Variants in WDR19 observed in about 807,000 individuals in gnomAD.
WDR19 encodes the protein WD repeat-containing protein 19.
A neutral mutation model predicts 180.0 loss-of-function variants in WDR19; 121 were observed. The observed-to-expected ratio is 0.67, with a 90% confidence interval of 0.58 to 0.78. The LOEUF (loss-of-function observed/expected upper bound fraction) is 0.78. WDR19 is among the 30% of genes least tolerant of loss of function. WDR19 has a pLI of 0.00. For synonymous variants in WDR19, 497 were observed against 540.7 expected (o/e 0.92, Z 1.12); for missense variants, 1,450 against 1,640.7 (o/e 0.88, Z 2.01).
intron 5 of WDR19, among the ~76,000 whole-genome samples, chr4:39,196,871 A>G (rs1055849864): frequency 6.6e-6 from 1 of 152,164 alleles, no homozygotes; most frequent in Admixed American, 6.5e-5. Context: ...CCTCTAACAC[A>G]CTAGGCAAAC....
intron 20 of WDR19, chr4:39,238,033 C>G (rs1229140635): frequency 6.6e-6 from 1 of 152,262 alleles, no homozygotes; most frequent in East Asian, 1.9e-4. Context: ...CTGCTCATCA[C>G]TTGACCATGA....
intron 24 of WDR19, among the ~76,000 whole-genome samples, chr4:39,251,916 TA>T (rs1733238499): frequency 1.3e-5 from 2 of 152,194 alleles, no homozygotes; most frequent in Non-Finnish European, 2.9e-5. Context: ...GGTGGGACTG[TA>T]AACTAGTTCA....
intron 14 of WDR19, among the ~76,000 whole-genome samples, chr4:39,221,723 A>G (rs926362876): frequency 1.3e-5 from 2 of 152,130 alleles, no homozygotes; most frequent in South Asian, 2.1e-4. Flanking sequence ...TGTAAATGTA[A>G]TAAATGTTTG....
intron 4 of WDR19, among the ~76,000 whole-genome samples, chr4:39,190,169 G>A (rs551903135): frequency 1.9e-4 from 29 of 152,200 alleles, no homozygotes; most frequent in African/African-American, 6.5e-4. Flanking sequence ...TCTCACCCAC[G>A]ACTACTGGTA....
chr4:39,217,287 C>A (rs13119256), intron 13 of WDR19, 47 bp downstream of exon 13: 1 of 1,383,510 alleles, frequency 7.2e-7, no homozygotes, highest in Admixed American at 2.0e-5. Flanking sequence ...TTATAATGAA[C>A]AGCCTAATGT....
intron 14 of WDR19, among the ~76,000 whole-genome samples, chr4:39,222,767 G>T (rs975652062): frequency 2.0e-5 from 3 of 152,146 alleles, no homozygotes; most frequent in African/African-American, 7.2e-5. Flanking sequence ...AAGAAACAAC[G>T]CAGAGAGAAG....
At chr4:39,192,772 T>G (rs1329761713) in intron 4 of WDR19, among the ~76,000 whole-genome samples, 1 of 152,226 alleles carries the variant, frequency 6.6e-6, no homozygotes, top group Non-Finnish European at 1.5e-5. Flanking sequence ...CATTAAATTG[T>G]AGCACAGTTC....
At chr4:39,277,267 AT>A in intron 34 of WDR19, 124 bp downstream of exon 34, 2 of 1,094,608 alleles carry the variant, frequency 1.8e-6, no homozygotes, top group Non-Finnish European at 2.5e-6. Context: ...TTCCTGCAAC[AT>A]CTAGCATTTT....
At position 39,216,006 on chromosome 4, in the gene WDR19, T is replaced by C. The variant is rs773816730; in HGVS notation, c.1127T>C (p.Val376Ala). ...CTTGAAGTCACCGTAGCCAACCCTGTTGAAGGAGTATGAAAATGGTGTTAT... is the reference window on the plus strand; with the variant it reads ...CTTGAAGTCACCGTAGCCAACCCTGCTGAAGGAGTATGAAAATGGTGTTAT... The part of the protein sequence containing the change: ...SLLEVTVANP[V>A]EGELPITVSV... Residue 376 changes from valine to alanine, a missense_variant, in exon 11 of 37, where the codon GTT becomes GCT. By Grantham distance (64) the Val-to-Ala change is moderately conservative (BLOSUM62 0). Transcript: ENST00000399820. 24 of 1,595,690 alleles carry C rather than the reference T, an allele frequency of 1.5e-5. No individual in the cohort carries two copies. In the Admixed American group the frequency reaches 4.1e-4, roughly 27 times the overall value.
At chr4:39,230,328 A>T (rs1730708324) in intron 17 of WDR19, among the ~76,000 whole-genome samples, 1 of 152,112 alleles carries the variant, frequency 6.6e-6, no homozygotes, top group African/African-American at 2.4e-5. Flanking sequence ...CGATAAGTGG[A>T]GCCATCTCCT....
chr4:39,224,919 G>A lies in WDR19; in HGVS notation c.1515G>A (p.Trp505Ter), dbSNP rs1245370069. 7.0e-6 allele frequency: 11 copies of A among 1,569,156 alleles called. No individual in the cohort carries two copies. The highest frequency in any genetic ancestry group is 9.5e-6 in the Non-Finnish European group (11 of 1,156,342). The part of the protein sequence containing the change: ...GVVQYFYIED[W>*]QFVNDYRHPV... Reference sequence around the variant, plus strand: ...TTCAGTATTTCTACATTGAAGACTGGCAATTCGTTAATGATTATCGACATC... The same window carrying A: ...TTCAGTATTTCTACATTGAAGACTGACAATTCGTTAATGATTATCGACATC... The change falls in exon 15 of 37, where the codon TGG becomes TGA. Residue 505 changes from tryptophan (W) to a stop codon, truncating the protein, a stop_gained. Transcript: ENST00000399820. LOFTEE classifies it high-confidence loss of function.
chr4:39,224,083 C>T (rs535225562), intron 14 of WDR19, among the ~76,000 whole-genome samples: 1 of 152,228 alleles, frequency 6.6e-6, no homozygotes, highest in Admixed American at 6.5e-5. Context: ...ACCCAAGTAT[C>T]TCATTTTTTG....
Position 39,244,251 on chromosome 4 carries a change from C to T in WDR19, c.2425C>T (p.His809Tyr), listed in dbSNP as rs780300357. The T allele has an allele frequency of 7.5e-6, 12 of 1,609,994 alleles. No individual in the cohort carries two copies. The South Asian group carries it at 1.1e-4, about 15-fold the overall frequency. The change falls in exon 22 of 37, where the codon CAT becomes TAT. Residue 809 changes from histidine (H) to tyrosine (Y), a missense_variant. Transcript: ENST00000399820. ...AGTGTTTGCCTTGTGATTGCAGGAACATGATGAAGCTTGTCTGGCTGGAGT... is the reference window on the plus strand; with the variant it reads ...AGTGTTTGCCTTGTGATTGCAGGAATATGATGAAGCTTGTCTGGCTGGAGT... ...EKGITGDNKE[H>Y]DEACLAGVAQ...
chr4:39,255,384 C>T (rs767940468), intron 26 of WDR19, among the ~76,000 whole-genome samples: 20 of 152,148 alleles, frequency 1.3e-4, no homozygotes, highest in Non-Finnish European at 2.6e-4. Flanking sequence ...CCAACTCCCA[C>T]GGGTAAATGT....
At chr4:39,254,565 A>T (rs2109442115) in intron 26 of WDR19, among the ~76,000 whole-genome samples, 1 of 152,050 alleles carries the variant, frequency 6.6e-6, no homozygotes, top group South Asian at 2.1e-4. Flanking sequence ...TACTGAAATA[A>T]TTTTCAGATT....
chr4:39,247,175 G>C (rs1732618993), intron 24 of WDR19, among the ~76,000 whole-genome samples: 1 of 152,194 alleles, frequency 6.6e-6, no homozygotes, highest in Non-Finnish European at 1.5e-5. Context: ...GGAACAATCA[G>C]GCAGCAGCAT....
At chr4:39,187,406 C>T (rs998884313) in intron 3 of WDR19, among the ~76,000 whole-genome samples, 6 of 137,192 alleles carry the variant, frequency 4.4e-5, no homozygotes, top group Admixed American at 8.0e-5. Context: ...GGTGACAGAA[C>T]GAGACTCCAT....
chr4:39,276,074 G>A (rs1181747303), intron 33 of WDR19, among the ~76,000 whole-genome samples: 3 of 152,128 alleles, frequency 2.0e-5, no homozygotes. Context: ...ATGACATGTG[G>A]GGTTCCTGTT....
intron 13 of WDR19, among the ~76,000 whole-genome samples, chr4:39,217,449 A>G (rs570997467): frequency 4.0e-4 from 61 of 152,262 alleles, no homozygotes; most frequent in Non-Finnish European, 5.9e-5. Context: ...ATAAATACCA[A>G]CAGTGCTACT....
Sources: gnomAD v4.1 joint callset for allele counts (sites outside exome capture counted in the v4.1 genomes callset) on GRCh38, gnomAD v4.1.1 for gene constraint, MANE v1.5 for transcripts, NCBI Gene and HGNC (gene_info 2026-07-23, HGNC 2026-07-21) for gene names.